The following G3BP1 variants were observed in gnomAD, a reference collection of about 807,000 sequenced individuals.
The protein encoded by G3BP1 is ras GTPase-activating protein-binding protein 1.
G3BP1 carries 35 observed loss-of-function variants against 58.6 expected under a neutral mutation model. The ratio of observed to expected loss-of-function variants is 0.60; its 90% CI spans 0.46 to 0.79. The LOEUF (loss-of-function observed/expected upper bound fraction) is 0.79, where lower values mean the gene tolerates loss of function less well. Ranked by LOEUF, G3BP1 falls within the 30% of genes least tolerant of loss-of-function variation. The probability of loss-of-function intolerance (pLI) is 0.00; values close to 1 mark genes in which losing one functional copy is unlikely to be tolerated. For missense variants in G3BP1, 523 were observed against 580.8 expected (o/e 0.90, Z 1.02); for synonymous variants, 191 against 195.4 (o/e 0.98, Z 0.19).
At chr5:151,786,510 C>T (rs909672171) in intron 1 of G3BP1, 62 bp from the exon 2 acceptor site, 2 of 716,084 alleles carry the variant, frequency 2.8e-6, no homozygotes, top group African/African-American at 1.8e-5. Context: ...CTGAAATGAT[C>T]TTGTCTCTGA....
intron 1 of G3BP1, among the ~76,000 whole-genome samples, chr5:151,772,819 C>A (rs1470037722): frequency 6.6e-6 from 1 of 152,222 alleles, no homozygotes; most frequent in Admixed American, 6.5e-5. Context: ...AGTCTTTGCC[C>A]CCAGAGCACT....
chr5:151,794,932 C>T (rs1284704543), intron 5 of G3BP1, among the ~76,000 whole-genome samples: 1 of 152,178 alleles, frequency 6.6e-6, no homozygotes, highest in African/African-American at 2.4e-5. Context: ...GGTGACAGAG[C>T]CTGCATTAGG....
rs747483395 is a variant in G3BP1 at position 151,800,226 on chromosome 5, G to A, written c.964G>A (p.Ala322Thr). ...TTTTGTCTCCTTTTAAGTCCGTGAGGCTGGTGAGCAAGGTGACATTGAACC... is the reference window on the plus strand; with the variant it reads ...TTTTGTCTCCTTTTAAGTCCGTGAGACTGGTGAGCAAGGTGACATTGAACC... Reference protein sequence around the residue: ...PQRGPRPIREAGEQGDIEPRR... With the variant: ...PQRGPRPIRETGEQGDIEPRR... Residue 322 changes from alanine (A) to threonine (T), a missense_variant, in exon 10 of 12, where the codon GCT (alanine) becomes ACT (threonine). Around this residue, in one of 2 missense-constraint regions of G3BP1, gnomAD observed 398 missense variants for 399.1 expected, o/e 1.00. Coordinates refer to ENST00000356245, the MANE Select transcript of G3BP1 (RefSeq NM_005754.3). The A allele has an allele frequency of 1.2e-6, 2 of 1,612,456 alleles. No homozygotes were observed. The highest frequency in any genetic ancestry group is 1.7e-6 in the Non-Finnish European group (2 of 1,179,866).
At chr5:151,775,871 A>G (rs2915829) in intron 1 of G3BP1, among the ~76,000 whole-genome samples, 69,449 of 152,068 alleles carry the variant, frequency 0.46, 16,294 homozygotes, top group African/African-American at 0.56. Context: ...TCAGGAAAAC[A>G]GTATTTTTGA....
intron 4 of G3BP1, chr5:151,792,077 ATTC>A (rs1322943396): frequency 4.4e-6 from 2 of 456,168 alleles, no homozygotes; most frequent in Non-Finnish European, 8.8e-6. Context: ...CCCAGTCCCT[ATTC>A]TTGAATCAGC....
chr5:151,775,953 A>G (rs575392489), intron 1 of G3BP1, among the ~76,000 whole-genome samples: 6 of 152,348 alleles, frequency 3.9e-5, no homozygotes, highest in South Asian at 2.1e-4. Context: ...TTAACATCTT[A>G]TGTAATCCAA....
At chr5:151,773,380 T>G (rs1433508950) in intron 1 of G3BP1, among the ~76,000 whole-genome samples, 1 of 152,186 alleles carries the variant, frequency 6.6e-6, no homozygotes, top group Non-Finnish European at 1.5e-5. Context: ...TTACTGGTGT[T>G]GGAGATGTGT....
At chr5:151,781,945 C>T (rs1221091738) in intron 1 of G3BP1, among the ~76,000 whole-genome samples, 1 of 151,882 alleles carries the variant, frequency 6.6e-6, no homozygotes, top group Non-Finnish European at 1.5e-5. Context: ...GAAGGCTCAA[C>T]TGTAGTTCAT....
Position 151,810,171 on chromosome 5 carries a change from C to T in G3BP1, c.*6080C>T, listed in dbSNP as rs1317523617. 5.3e-5 allele frequency: 8 copies of T among 152,076 alleles called. No individual in the cohort carries two copies. 9.4% of individuals were successfully genotyped at this position (152,076 alleles called of 1,614,324 possible). A position where few individuals can be genotyped will look rare whatever the true frequency, so the allele number is the denominator to read the frequency against. ...TAATATTACTTTTGAGTTATTTCTC[C>T]CACTCTTCATGGAAGTGATGCTCCA... On this transcript the variant is annotated 3_prime_UTR_variant, in exon 12 of 12. Coordinates refer to ENST00000356245, the MANE Select transcript of G3BP1 (RefSeq NM_005754.3).
chr5:151,804,274 C>G lies in G3BP1; in HGVS notation c.*183C>G. 2.5e-6 allele frequency: 1 copy of G among 406,134 alleles called. No individual in the cohort carries two copies. Among genetic ancestry groups the G allele is most frequent in the Non-Finnish European group, 4.3e-6 (1 of 230,630 alleles). The allele number at this position is 406,134 out of a possible 1,614,324, so 25.2% of individuals were successfully genotyped here. On this transcript the variant is annotated 3_prime_UTR_variant, in exon 12 of 12. Coordinates refer to ENST00000356245, the MANE Select transcript of G3BP1 (RefSeq NM_005754.3). The stretch of plus-strand genomic sequence containing the variant: ...CTCTCCCTCTCTTCCCTTTCCTGAC[C>G]TTTAGTCTTTCACTTCCAATTTTGT...
At chr5:151,775,955 G>A (rs1384974853) in intron 1 of G3BP1, among the ~76,000 whole-genome samples, 1 of 152,204 alleles carries the variant, frequency 6.6e-6, no homozygotes, top group African/African-American at 2.4e-5. Flanking sequence ...AACATCTTAT[G>A]TAATCCAAGT....
At position 151,805,444 on chromosome 5, in the gene G3BP1, GAAAC is replaced by G. The variant is rs746199626; in HGVS notation, c.*1358_*1361del. The stretch of plus-strand genomic sequence containing the variant: ...GGGTGAAGGTTTTGTTTACACGTGT[GAAAC>G]AAACTTTTGTGTGATTGTCATTACT... On this transcript the variant is annotated 3_prime_UTR_variant, in exon 12 of 12. Coordinates refer to ENST00000356245, the MANE Select transcript of G3BP1 (RefSeq NM_005754.3). 2 of 152,374 alleles carry G rather than the reference GAAAC, an allele frequency of 1.3e-5. No homozygotes were observed. Among genetic ancestry groups the G allele is most frequent in the African/African-American group, 2.4e-5 (1 of 41,338 alleles). 9.4% of individuals were successfully genotyped at this position (152,374 alleles called of 1,614,324 possible).
intron 4 of G3BP1, among the ~76,000 whole-genome samples, chr5:151,793,929 G>A (rs1762703678): frequency 1.3e-5 from 2 of 151,868 alleles, no homozygotes; most frequent in Non-Finnish European, 2.9e-5. Context: ...CAGGAGGATT[G>A]CTTGAGCCTG....
rs1762753830 is a variant in G3BP1 at position 151,796,487 on chromosome 5, G to C, written c.540-740G>C. Among the ~76,000 whole-genome samples, 3 of 152,148 alleles carry C rather than the reference G, an allele frequency of 2.0e-5. No individual in the cohort carries two copies. The South Asian group carries it at 6.2e-4, about 32-fold the overall frequency. ...TTCGCCATATTGGCCAGGCTGGTCT[G>C]GAACTCCTAATCTCAGGTGATCTGC... is the stretch of plus-strand genomic sequence containing the variant. On this transcript the variant is annotated intron_variant, in intron 6 of 11. Coordinates refer to ENST00000356245, the MANE Select transcript of G3BP1 (RefSeq NM_005754.3).
chr5:151,803,774 A>C (rs781565484), intron 11 of G3BP1, 111 bp from the exon 12 acceptor site: 13 of 711,658 alleles, frequency 1.8e-5, no homozygotes, highest in Non-Finnish European at 2.9e-5. Context: ...GATTACAGGC[A>C]TGAGTCACCG....
chr5:151,799,075 T>G lies in G3BP1; in HGVS notation c.742-137T>G, dbSNP rs529125960. 8 of 612,756 alleles carry G rather than the reference T, an allele frequency of 1.3e-5. No individual in the cohort carries two copies. In the African/African-American group the frequency reaches 1.5e-4, roughly 12 times the overall value. 38.0% of individuals were successfully genotyped at this position (612,756 alleles called of 1,614,324 possible). Reference sequence around the variant, plus strand: ...TTTGAATAGCTGAAAGAGAAGAATCTTAATATATATATATAAACTCCATCC... The same window carrying G: ...TTTGAATAGCTGAAAGAGAAGAATCGTAATATATATATATAAACTCCATCC... On this transcript the variant is annotated intron_variant, in intron 7 of 11. Coordinates refer to ENST00000356245, the MANE Select transcript of G3BP1 (RefSeq NM_005754.3).
Position 151,808,236 on chromosome 5 carries a change from A to G in G3BP1, c.*4145A>G, listed in dbSNP as rs887545508. 6.6e-6 allele frequency: 1 copy of G among 152,178 alleles called. No homozygotes were observed. Among genetic ancestry groups the G allele is most frequent in the African/African-American group, 2.4e-5 (1 of 41,440 alleles). 9.4% of individuals were successfully genotyped at this position (152,178 alleles called of 1,614,324 possible). A position where few individuals can be genotyped will look rare whatever the true frequency, so the allele number is the denominator to read the frequency against. On this transcript the variant is annotated 3_prime_UTR_variant, in exon 12 of 12. Coordinates refer to ENST00000356245, the MANE Select transcript of G3BP1 (RefSeq NM_005754.3). Reference sequence around the variant, plus strand: ...TGGGCCTGTCAACTCTTAACAGACTATAGTAAAGGAGAGATGGTGGCACAT... The same window carrying G: ...TGGGCCTGTCAACTCTTAACAGACTGTAGTAAAGGAGAGATGGTGGCACAT...
intron 2 of G3BP1, among the ~76,000 whole-genome samples, chr5:151,789,165 A>T (rs911693355): frequency 4.0e-5 from 6 of 151,754 alleles, no homozygotes; most frequent in Non-Finnish European, 2.9e-5. Flanking sequence ...AGCATAGGCC[A>T]GGCATGGTGG....
chr5:151,780,663 C>T (rs1032943633), intron 1 of G3BP1, among the ~76,000 whole-genome samples: 2 of 152,154 alleles, frequency 1.3e-5, no homozygotes, highest in African/African-American at 4.8e-5. Flanking sequence ...CAGGCGCCCA[C>T]CACCATGCCT....
Sources: gnomAD v4.1 joint callset for allele counts (sites outside exome capture counted in the v4.1 genomes callset) on GRCh38, gnomAD v4.1.1 for gene constraint, gnomAD v4.1.1 regional missense constraint, MANE v1.5 for transcripts, NCBI Gene and HGNC (gene_info 2026-07-23, HGNC 2026-07-21) for gene names.